The following SLC5A4 variants were observed in gnomAD, a reference collection of about 807,000 sequenced individuals.
The protein encoded by SLC5A4 is solute carrier family 5 member 4, also known as probable glucose sensor protein SLC5A4.
Under a neutral mutation model 70.3 loss-of-function variants are expected in SLC5A4, and 55 were observed. The observed-to-expected ratio is 0.78, with a 90% CI of 0.63 to 0.98. SLC5A4 has a LOEUF of 0.98. Among genes scored for constraint, SLC5A4 ranks in the 50% least tolerant of loss-of-function variants. SLC5A4 has a pLI of 0.00. For synonymous variants in SLC5A4, 268 were observed against 305.7 expected (o/e 0.88, Z 1.29); for missense variants, 735 against 839.2 (o/e 0.88, Z 1.53).
At chr22:32,270,769 G>A in the SLC5A4 span, 38 of 624,234 alleles carry the variant, frequency 6.1e-5, no homozygotes, top group Non-Finnish European at 9.2e-5. Context: ...CAACCCCTGC[G>A]TGGTCATCAT....
chr22:32,351,825 G>A, the SLC5A4 span, among the ~76,000 whole-genome samples: 1 of 149,962 alleles, frequency 6.7e-6, no homozygotes, highest in Non-Finnish European at 1.5e-5. Context: ...GTTTGTTAAG[G>A]CCATTGCTTG....
At chr22:32,253,503 C>T (rs1569384131) in intron 2 of SLC5A4, among the ~76,000 whole-genome samples, 1 of 152,174 alleles carries the variant, frequency 6.6e-6, no homozygotes, top group African/African-American at 2.4e-5. Flanking sequence ...AACAAGAGGG[C>T]CAGCATCAGC....
the SLC5A4 span, among the ~76,000 whole-genome samples, chr22:32,342,686 A>G: frequency 6.6e-6 from 1 of 152,218 alleles, no homozygotes; most frequent in Non-Finnish European, 1.5e-5. Flanking sequence ...TGTCCACTGG[A>G]AAATACTTTC....
At chr22:32,258,155 A>T (rs1187220054), upstream of SLC5A4, among the ~76,000 whole-genome samples, 1 of 151,528 alleles carries the variant, frequency 6.6e-6, no homozygotes, top group African/African-American at 2.4e-5. Flanking sequence ...TTTCCAGCTA[A>T]TTTTTGTATT....
chr22:32,329,457 A>G, the SLC5A4 span, among the ~76,000 whole-genome samples: 6 of 151,186 alleles, frequency 4.0e-5, no homozygotes, highest in South Asian at 2.1e-4. Flanking sequence ...TTAGCAAAAT[A>G]TCTTGCTGGG....
At chr22:32,304,850 G>T in the SLC5A4 span, among the ~76,000 whole-genome samples, 2 of 151,006 alleles carry the variant, frequency 1.3e-5, no homozygotes, top group African/African-American at 2.4e-5. Context: ...GAGTTCTACA[G>T]TTTTTTTTTC....
At chr22:32,288,293 T>C in the SLC5A4 span, among the ~76,000 whole-genome samples, 1 of 152,068 alleles carries the variant, frequency 6.6e-6, no homozygotes, top group East Asian at 1.9e-4. Flanking sequence ...TACTACCTGG[T>C]AGTTAGGTGG....
chr22:32,323,208 G>A, the SLC5A4 span, among the ~76,000 whole-genome samples: 14 of 152,054 alleles, frequency 9.2e-5, no homozygotes, highest in Non-Finnish European at 1.5e-4. Flanking sequence ...CTACCCAATT[G>A]AGAAGACACA....
chr22:32,323,569 C>A, the SLC5A4 span, among the ~76,000 whole-genome samples: 2 of 152,232 alleles, frequency 1.3e-5, no homozygotes, highest in African/African-American at 4.8e-5. Flanking sequence ...GAGACCCTGT[C>A]TGCAGGCACG....
the SLC5A4 span, among the ~76,000 whole-genome samples, chr22:32,314,618 T>A: frequency 6.6e-6 from 1 of 152,166 alleles, no homozygotes; most frequent in Non-Finnish European, 1.5e-5. Context: ...ATGATTTTTT[T>A]AAAAGTTCTG....
chr22:32,315,096 G>A, the SLC5A4 span, among the ~76,000 whole-genome samples: 2 of 152,184 alleles, frequency 1.3e-5, no homozygotes, highest in Admixed American at 6.5e-5. Flanking sequence ...TATGTTATGT[G>A]CATTCTACCA....
At chr22:32,248,652 G>T in intron 4 of SLC5A4, 91 bp downstream of exon 4, 1 of 928,632 alleles carries the variant, frequency 1.1e-6, no homozygotes, top group Non-Finnish European at 1.8e-6. Flanking sequence ...CTTTTTTCCT[G>T]GCAATACTCA....
chr22:32,333,965 AAT>A, the SLC5A4 span, among the ~76,000 whole-genome samples: 4 of 146,860 alleles, frequency 2.7e-5, no homozygotes, highest in Non-Finnish European at 4.5e-5. Flanking sequence ...GCAGACCCAC[AAT>A]ATACACACAC....
the SLC5A4 span, among the ~76,000 whole-genome samples, chr22:32,306,468 A>AAAAGCGACAGAGCAAGACTCGGTCTCAG: frequency 6.8e-6 from 1 of 147,270 alleles, no homozygotes; most frequent in African/African-American, 2.6e-5. Flanking sequence ...TCGGTCTCAA[A>AAAAGCGACAGAGCAAGACTCGGTCTCAG]AAAAAAAAAC....
the SLC5A4 span, among the ~76,000 whole-genome samples, chr22:32,333,192 T>TG: frequency 8.1e-6 from 1 of 123,888 alleles, no homozygotes. Flanking sequence ...GCTCTAGCAC[T>TG]GGCACCCCCC....
At chr22:32,332,747 T>C in the SLC5A4 span, among the ~76,000 whole-genome samples, 3 of 152,220 alleles carry the variant, frequency 2.0e-5, no homozygotes. Flanking sequence ...AGGGACTTTA[T>C]ACATCCCCAT....
chr22:32,272,557 A>C, the SLC5A4 span: 2 of 650,496 alleles, frequency 3.1e-6, no homozygotes, highest in Middle Eastern at 7.8e-4. Context: ...AAGACCCTGG[A>C]GGTGTACAGC....
At chr22:32,272,246 C>G in the SLC5A4 span, 5 of 787,378 alleles carry the variant, frequency 6.4e-6, no homozygotes, top group East Asian at 9.8e-5. Context: ...AGGTGGTGCC[C>G]GAGCCCAGCC....
At chr22:32,331,004 G>A in the SLC5A4 span, among the ~76,000 whole-genome samples, 2 of 141,476 alleles carry the variant, frequency 1.4e-5, no homozygotes, top group African/African-American at 2.6e-5. Flanking sequence ...TGGTGTGTGT[G>A]TTGGGGGCTC....
Sources: allele counts gnomAD v4.1 joint callset (sites outside exome capture counted in the v4.1 genomes callset), GRCh38; gene constraint gnomAD v4.1.1; transcripts MANE v1.5; gene names NCBI Gene and HGNC (gene_info 2026-07-23, HGNC 2026-07-21).